MAP2: variants seen among roughly 807,000 people sequenced by gnomAD.
The protein encoded by MAP2 is microtubule-associated protein 2.
A neutral mutation model predicts 137.6 loss-of-function variants in MAP2; 14 were observed. That is an observed-to-expected ratio of 0.10 (90% CI 0.07 to 0.16). The LOEUF (loss-of-function observed/expected upper bound fraction) is 0.16. MAP2 is among the 10% of genes least tolerant of loss of function. MAP2 has a pLI of 1.00. For missense variants in MAP2, 2,088 were observed against 2,191.5 expected (o/e 0.95, Z 0.94); for synonymous variants, 786 against 782.3 (o/e 1.00, Z -0.08).
chr2:209,709,985 A>G lies in MAP2; in HGVS notation c.4804A>G (p.Thr1602Ala), dbSNP rs2153764244. 1.2e-6 allele frequency: 2 copies of G among 1,613,514 alleles called. No individual in the cohort carries two copies. Among genetic ancestry groups the G allele is most frequent in the East Asian group, 4.5e-5 (2 of 44,850 alleles). Residue 1602 changes from threonine to alanine, a missense_variant, in exon 13 of 16, where the codon ACT (threonine) becomes GCT (alanine). This residue lies in a region of MAP2 where 591 missense variants were observed against 642.6 expected (regional missense o/e 0.92). Transcript: ENST00000682079. ...CACTACCCCTGGGTCTACTGCCATC[A>G]CTCCTGGCACCCCACCAAGTTATTC... Reference protein sequence around the residue: ...TPTTPGSTAITPGTPPSYSSR... With the variant: ...TPTTPGSTAIAPGTPPSYSSR...
chr2:209,446,802 C>A (rs139243185), intron 1 of MAP2, among the ~76,000 whole-genome samples: 123 of 149,852 alleles, frequency 8.2e-4, no homozygotes, highest in African/African-American at 2.8e-3. Flanking sequence ...GAGAAAGAAT[C>A]CTACTGCTGT....
intron 4 of MAP2, among the ~76,000 whole-genome samples, chr2:209,643,270 C>T (rs1242357006): frequency 6.6e-6 from 1 of 152,112 alleles, no homozygotes; most frequent in Non-Finnish European, 1.5e-5. Flanking sequence ...GTTAGTGCTG[C>T]CTGGTAATAA....
chr2:209,649,189 A>AT (rs969575855), intron 4 of MAP2, among the ~76,000 whole-genome samples: 1 of 145,238 alleles, frequency 6.9e-6, no homozygotes, highest in South Asian at 2.2e-4. Context: ...TTAAAAAAAA[A>AT]TTTTTTTGTA....
At chr2:209,505,971 CAAAA>C (rs1051884405) in intron 1 of MAP2, among the ~76,000 whole-genome samples, 2 of 150,740 alleles carry the variant, frequency 1.3e-5, no homozygotes, top group Non-Finnish European at 3.0e-5. Flanking sequence ...GACCCTGTCT[CAAAA>C]AAAAGAAAAG....
At chr2:209,574,113 A>G (rs752105423) in intron 2 of MAP2, among the ~76,000 whole-genome samples, 1 of 152,134 alleles carries the variant, frequency 6.6e-6, no homozygotes, top group South Asian at 2.1e-4. Context: ...GTTATTACCT[A>G]TGATTCTCAT....
intron 2 of MAP2, among the ~76,000 whole-genome samples, chr2:209,526,925 C>A (rs2064153222): frequency 6.6e-6 from 1 of 152,036 alleles, no homozygotes; most frequent in Non-Finnish European, 1.5e-5. Flanking sequence ...GTAAAGCTGA[C>A]TGACTACAAA....
intron 2 of MAP2, among the ~76,000 whole-genome samples, chr2:209,552,912 A>T (rs540106059): frequency 6.6e-6 from 1 of 152,312 alleles, no homozygotes; most frequent in South Asian, 2.1e-4. Flanking sequence ...ATTAAAATTG[A>T]AATTAATTTA....
At chr2:209,590,757 A>G (rs1357046995) in intron 3 of MAP2, among the ~76,000 whole-genome samples, 1 of 152,216 alleles carries the variant, frequency 6.6e-6, no homozygotes, top group Non-Finnish European at 1.5e-5. Context: ...CTAGTATCAC[A>G]GTGGGTTTGA....
intron 1 of MAP2, among the ~76,000 whole-genome samples, chr2:209,501,361 C>G (rs1416457868): frequency 6.6e-6 from 1 of 152,046 alleles, no homozygotes; most frequent in Non-Finnish European, 1.5e-5. Flanking sequence ...ATAATCAGGC[C>G]TATTTGAGTT....
At chr2:209,605,149 G>C (rs567370324) in intron 3 of MAP2, among the ~76,000 whole-genome samples, 259 of 152,208 alleles carry the variant, frequency 1.7e-3, no homozygotes, top group African/African-American at 6.0e-3. Context: ...TAAAAATACA[G>C]TTTCTCCTAG....
intron 11 of MAP2, among the ~76,000 whole-genome samples, chr2:209,700,625 T>G (rs1021051213): frequency 7.2e-5 from 11 of 152,168 alleles, no homozygotes; most frequent in Non-Finnish European, 1.3e-4. Flanking sequence ...AAGTCCAGTT[T>G]AGTTACTTTT....
chr2:209,522,138 G>T (rs1432670776), intron 2 of MAP2, among the ~76,000 whole-genome samples: 1 of 151,962 alleles, frequency 6.6e-6, no homozygotes, highest in Non-Finnish European at 1.5e-5. Context: ...GGATTGATGG[G>T]CCTCCTTTTT....
Position 209,538,674 on chromosome 2 carries a change from A to C in MAP2, c.-172+31033A>C, listed in dbSNP as rs190698369. On this transcript the variant is annotated intron_variant, in intron 2 of 15. Transcript: ENST00000682079. ...ACACTTTGGATTAAAATACGTATCA[A>C]ACTTCCATATTATCCCCTTCTGCCT... Among the ~76,000 whole-genome samples, 688 of 152,180 alleles carry C rather than the reference A, an allele frequency of 4.5e-3. 9 individuals are homozygous for C. Among genetic ancestry groups the C allele is most frequent in the African/African-American group, 0.015 (642 of 41,534 alleles).
chr2:209,715,386 T>C (rs2067148806), intron 13 of MAP2, among the ~76,000 whole-genome samples: 1 of 152,066 alleles, frequency 6.6e-6, no homozygotes, highest in African/African-American at 2.4e-5. Context: ...TCAACAAATA[T>C]TTATTGAGCA....
At chr2:209,501,723 G>C (rs946505114) in intron 1 of MAP2, among the ~76,000 whole-genome samples, 1 of 152,118 alleles carries the variant, frequency 6.6e-6, no homozygotes. Flanking sequence ...TGAGGACTGA[G>C]CCTTGGGGCA....
chr2:209,696,330 G>T lies in MAP2; in HGVS notation c.4160G>T (p.Ser1387Ile). The change falls in exon 8 of 16, where the codon AGC becomes ATC. Residue 1387 changes from serine (S) to isoleucine (I), a missense_variant. Ser to Ile is a moderately radical substitution (Grantham distance 142, BLOSUM62 -2). Coordinates refer to ENST00000682079, the MANE Select transcript of MAP2 (RefSeq NM_001375505.1). Reference protein sequence around the residue: ...TIDDSIMDADSLWVDTQDDDR... With the variant: ...TIDDSIMDADILWVDTQDDDR... ...GACGACTCCATCATGGACGCTGACA[G>T]CCTCTGGGTGGACACTCAAGGTGTG... 1 of 1,559,500 alleles carries T rather than the reference G, an allele frequency of 6.4e-7. No homozygotes were observed. The highest frequency in any genetic ancestry group is 8.6e-7 in the Non-Finnish European group (1 of 1,160,734).
intron 10 of MAP2, among the ~76,000 whole-genome samples, chr2:209,698,520 A>G (rs1273432597): frequency 1.3e-5 from 2 of 152,182 alleles, no homozygotes; most frequent in Admixed American, 6.5e-5. Flanking sequence ...AGAGAAAATC[A>G]AGGTAACTGA....
intron 2 of MAP2, among the ~76,000 whole-genome samples, chr2:209,512,064 G>A (rs1481950949): frequency 1.3e-5 from 2 of 151,984 alleles, no homozygotes; most frequent in African/African-American, 4.8e-5. Flanking sequence ...TAAGCTGCTT[G>A]TGGTATTCCT....
At chr2:209,646,427 C>G (rs2094428598) in intron 4 of MAP2, among the ~76,000 whole-genome samples, 1 of 152,130 alleles carries the variant, frequency 6.6e-6, no homozygotes, top group Admixed American at 6.5e-5. Flanking sequence ...ATTTAAGTAT[C>G]TAGACACATA....
Sources: gnomAD v4.1 joint callset for allele counts (sites outside exome capture counted in the v4.1 genomes callset) on GRCh38, gnomAD v4.1.1 for gene constraint, gnomAD v4.1.1 regional missense constraint, MANE v1.5 for transcripts, NCBI Gene and HGNC (gene_info 2026-07-23, HGNC 2026-07-21) for gene names.